The following SIPA1L2 variants were observed in gnomAD, a reference collection of about 807,000 sequenced individuals.
SIPA1L2 encodes the protein signal induced proliferation associated 1 like 2.
In SIPA1L2, 56 loss-of-function variants were observed where a neutral mutation model predicts 163.9. That is an observed-to-expected ratio of 0.34 (90% CI 0.28 to 0.43). The LOEUF (loss-of-function observed/expected upper bound fraction) is 0.43. Among genes scored for constraint, SIPA1L2 ranks in the 20% least tolerant of loss-of-function variants. SIPA1L2 has a pLI of 1.00. For synonymous variants in SIPA1L2, 877 were observed against 865.7 expected (o/e 1.01, Z -0.23); for missense variants, 1,974 against 2,193.5 (o/e 0.90, Z 2.00).
chr1:232,629,628 AGAACAGGC>A (rs1192406172), intron 1 of SIPA1L2, among the ~76,000 whole-genome samples: 2 of 152,152 alleles, frequency 1.3e-5, no homozygotes, highest in Non-Finnish European at 2.9e-5. Flanking sequence ...TAACTTGGAG[AGAACAGGC>A]GGCGGCGGCT....
chr1:232,470,028 A>G (rs559345724), intron 8 of SIPA1L2, among the ~76,000 whole-genome samples: 129 of 152,212 alleles, frequency 8.5e-4, no homozygotes, highest in African/African-American at 2.9e-3. Flanking sequence ...ACCAAATACA[A>G]TACGATAAAG....
chr1:232,519,303 C>T (rs1039417042), intron 2 of SIPA1L2, among the ~76,000 whole-genome samples: 1 of 152,126 alleles, frequency 6.6e-6, no homozygotes, highest in Non-Finnish European at 1.5e-5. Context: ...GTTAATAAAA[C>T]GGCCAATCCT....
intron 5 of SIPA1L2, among the ~76,000 whole-genome samples, chr1:232,487,422 A>T (rs1294413858): frequency 1.3e-5 from 2 of 152,138 alleles, no homozygotes; most frequent in Non-Finnish European, 2.9e-5. Context: ...AACAAATCTG[A>T]TATTTGAGTA....
In SIPA1L2 at chr1:232,461,073, A is replaced by G; in HGVS notation, c.2909T>C (p.Ile970Thr). Residue 970 changes from isoleucine to threonine, a missense_variant, in exon 10 of 23, where the codon ATT becomes ACT. Physicochemically the swap from Ile to Thr is moderately conservative, Grantham distance 89. Coordinates refer to ENST00000674635, the MANE Select transcript of SIPA1L2 (RefSeq NM_020808.5). ...GCCAAAAGGTTCCACATCTGCGACAATTCCTTCAAAATTCACATGGAAGCC... is the reference window on the plus strand; with the variant it reads ...GCCAAAAGGTTCCACATCTGCGACAGTTCCTTCAAAATTCACATGGAAGCC... Reference protein sequence around the residue: ...QLGFHVNFEGIVADVEPFGFA... With the variant: ...QLGFHVNFEGTVADVEPFGFA... 10 of 1,614,268 alleles carry G rather than the reference A, an allele frequency of 6.2e-6. No homozygotes were observed. The highest frequency in any genetic ancestry group is 7.6e-6 in the Non-Finnish European group (9 of 1,180,042).
chr1:232,499,589 G>A (rs1176065514), intron 3 of SIPA1L2, among the ~76,000 whole-genome samples: 4 of 152,222 alleles, frequency 2.6e-5, no homozygotes, highest in Admixed American at 1.3e-4. Context: ...CTATCTCCAC[G>A]CGGTAAGTGC....
chr1:232,540,259 A>G (rs789635), intron 2 of SIPA1L2, among the ~76,000 whole-genome samples: 140,894 of 152,116 alleles, frequency 0.93, 65,788 homozygotes, highest in African/African-American at 0.99. Flanking sequence ...GGCCGAGGTC[A>G]CGCCACTGCA....
intron 1 of SIPA1L2, among the ~76,000 whole-genome samples, chr1:232,614,173 C>T (rs370896476): frequency 6.6e-6 from 1 of 152,132 alleles, no homozygotes; most frequent in African/African-American, 2.4e-5. Context: ...TTGCCAGATA[C>T]TTCGTGTAAC....
chr1:232,570,514 CTTCA>C (rs780245675), intron 2 of SIPA1L2, among the ~76,000 whole-genome samples: 47 of 152,312 alleles, frequency 3.1e-4, no homozygotes, highest in Admixed American at 1.8e-3. Flanking sequence ...AGCAATTGAA[CTTCA>C]TTCATACTTT....
rs755933012 is a variant in SIPA1L2 at position 232,465,331 on chromosome 1, G to A, written c.2329C>T (p.Arg777Trp). ...ATTACTTTGGCTAAAAGGAAGTCCC[G>A]GAACACGGCTGACTTTGGAAAAGTT... ...GVTFPKSAVF[R>W]DFLLAKVINA... The change falls in exon 9 of 23, where the codon CGG becomes TGG. Residue 777 changes from arginine (R) to tryptophan (W), a missense_variant. Arg to Trp is a moderately radical substitution (Grantham distance 101). Transcript: ENST00000674635. The surrounding 1 kb of genome is among the most constrained non-coding windows in gnomAD (Gnocchi z 4.1). 6.2e-6 allele frequency: 10 copies of A among 1,614,146 alleles called. No homozygotes were observed. The highest frequency in any genetic ancestry group is 5.5e-5 in the South Asian group (5 of 91,074).
intron 8 of SIPA1L2, among the ~76,000 whole-genome samples, chr1:232,471,106 G>A (rs1470537441): frequency 6.6e-6 from 1 of 152,158 alleles, no homozygotes; most frequent in Non-Finnish European, 1.5e-5. Flanking sequence ...CTCAGAGGAG[G>A]ATACCAATTA....
In SIPA1L2 at chr1:232,399,121, G is replaced by C; in HGVS notation, c.*6C>G. On this transcript the variant is annotated 3_prime_UTR_variant, in exon 23 of 23. Transcript: ENST00000674635. ...CCCAGTGGTCCCTTGATGAGGTGCG[G>C]ATTGGCTAAGATTTTTTGTCGATGG... 2 of 1,614,096 alleles carry C rather than the reference G, an allele frequency of 1.2e-6. No individual in the cohort carries two copies. The highest frequency in any genetic ancestry group is 1.1e-5 in the South Asian group (1 of 91,080).
intron 2 of SIPA1L2, among the ~76,000 whole-genome samples, chr1:232,527,130 T>C (rs1667747827): frequency 6.6e-6 from 1 of 152,222 alleles, no homozygotes; most frequent in Admixed American, 6.5e-5. Flanking sequence ...CTAAATTCTA[T>C]GTCCCTCTGC....
At chr1:232,575,021 G>A (rs1361904153) in intron 1 of SIPA1L2, among the ~76,000 whole-genome samples, 2 of 152,176 alleles carry the variant, frequency 1.3e-5, no homozygotes, top group Non-Finnish European at 2.9e-5. Context: ...AAGTCATCTG[G>A]ACTCCTAAGA....
chr1:232,503,021 G>A (rs931892595), intron 3 of SIPA1L2, among the ~76,000 whole-genome samples: 4 of 152,190 alleles, frequency 2.6e-5, no homozygotes, highest in African/African-American at 9.6e-5. Context: ...CTTGGGCAGA[G>A]GACAACGAGC....
At chr1:232,493,992 T>C (rs1558221193) in intron 3 of SIPA1L2, among the ~76,000 whole-genome samples, 1 of 152,210 alleles carries the variant, frequency 6.6e-6, no homozygotes, top group Non-Finnish European at 1.5e-5. Context: ...AAGAGGAACA[T>C]GGCTACTTGT....
rs73099528 is a variant in SIPA1L2, at chr1:232,610,930, C to T, written c.-319+18939G>A. On this transcript the variant is annotated intron_variant, in intron 1 of 22. Coordinates refer to ENST00000674635, the MANE Select transcript of SIPA1L2 (RefSeq NM_020808.5). Reference sequence around the variant, plus strand: ...GGCCTGAAACCCAGAGGGCTACCAACGCTCTCTGACTGATATGGTTTGGCT... The same window carrying T: ...GGCCTGAAACCCAGAGGGCTACCAATGCTCTCTGACTGATATGGTTTGGCT... Among the ~76,000 whole-genome samples, 1,334 of 152,302 alleles carry T rather than the reference C, an allele frequency of 8.8e-3. 20 individuals are homozygous for T. Among genetic ancestry groups the T allele is most frequent in the African/African-American group, 0.029 (1,201 of 41,550 alleles).
intron 18 of SIPA1L2, among the ~76,000 whole-genome samples, chr1:232,424,110 C>T (rs930620882): frequency 6.6e-6 from 1 of 151,876 alleles, no homozygotes; most frequent in East Asian, 1.9e-4. Context: ...CCACCAGGAA[C>T]GAACCCTAAT....
At chr1:232,481,420 T>C (rs140699585) in intron 6 of SIPA1L2, among the ~76,000 whole-genome samples, 3 of 152,204 alleles carry the variant, frequency 2.0e-5, no homozygotes, top group Non-Finnish European at 2.9e-5. Context: ...CTGACTGATA[T>C]TAGGTTTCAG....
chr1:232,429,602 T>G (rs1662104243), intron 16 of SIPA1L2, among the ~76,000 whole-genome samples: 1 of 146,474 alleles, frequency 6.8e-6, no homozygotes, highest in Non-Finnish European at 1.5e-5. Context: ...GAACAAATAG[T>G]GGCTGTAAAA....
Sources: gnomAD v4.1 joint callset for allele counts (sites outside exome capture counted in the v4.1 genomes callset) on GRCh38, gnomAD v4.1.1 for gene constraint, Gnocchi (gnomAD v3.1) non-coding constraint, MANE v1.5 for transcripts, NCBI Gene and HGNC (gene_info 2026-07-23, HGNC 2026-07-21) for gene names.